BLTP1: variants seen among roughly 807,000 people sequenced by gnomAD.
The protein encoded by BLTP1 is bridge-like lipid transfer protein family member 1.
At chr4:122,332,851 A>G in the BLTP1 span, among the ~76,000 whole-genome samples, 1,489 of 116,040 alleles carry the variant, frequency 0.013, 21 homozygotes, top group African/African-American at 0.047. Flanking sequence ...TCATTGTTCA[A>G]TTCCCACCTA....
chr4:122,250,571 C>A, the BLTP1 span: 1 of 1,612,842 alleles, frequency 6.2e-7, no homozygotes, highest in South Asian at 1.1e-5. Context: ...TTCAGATGAA[C>A]AGGTTAGTGA....
the BLTP1 span, chr4:122,287,625 C>A: frequency 1.0e-6 from 1 of 984,784 alleles, no homozygotes; most frequent in Non-Finnish European, 1.2e-6. Flanking sequence ...TTTTGTTCTC[C>A]ATAACCTGAA....
chr4:122,347,147 C>CT, the BLTP1 span: 136 of 984,158 alleles, frequency 1.4e-4, no homozygotes, highest in Non-Finnish European at 1.6e-4. Flanking sequence ...ACAGAAGATG[C>CT]TGGGGACATG....
the BLTP1 span, chr4:122,182,618 A>G: frequency 2.1e-5 from 21 of 984,612 alleles, no homozygotes; most frequent in Non-Finnish European, 2.5e-5. Context: ...GGAGCCCTCC[A>G]TCTACCATTC....
the BLTP1 span, chr4:122,227,371 A>G: frequency 1.0e-6 from 1 of 985,396 alleles, no homozygotes; most frequent in African/African-American, 1.7e-5. Flanking sequence ...GTAATCCCTA[A>G]AACCATGTGC....
At chr4:122,284,165 A>T in the BLTP1 span, among the ~76,000 whole-genome samples, 1 of 152,182 alleles carries the variant, frequency 6.6e-6, no homozygotes, top group Non-Finnish European at 1.5e-5. Context: ...TTTTTTGTTA[A>T]TCTGATACTC....
chr4:122,231,615 AATTT>A, the BLTP1 span: 3 of 945,964 alleles, frequency 3.2e-6, no homozygotes, highest in Non-Finnish European at 3.8e-6. Flanking sequence ...GTCAGTTACT[AATTT>A]GAGAAAGCCA....
chr4:122,341,070 G>A, the BLTP1 span, among the ~76,000 whole-genome samples: 6 of 151,902 alleles, frequency 3.9e-5, no homozygotes, highest in Non-Finnish European at 8.8e-5. Flanking sequence ...TCCATTGTTT[G>A]GATCATATAC....
the BLTP1 span, among the ~76,000 whole-genome samples, chr4:122,216,232 G>A: frequency 1.3e-5 from 2 of 152,062 alleles, no homozygotes; most frequent in Non-Finnish European, 2.9e-5. Context: ...CTATGAACAT[G>A]TGTGTGCAAG....
At chr4:122,191,578 A>G in the BLTP1 span, among the ~76,000 whole-genome samples, 1 of 152,192 alleles carries the variant, frequency 6.6e-6, no homozygotes, top group Admixed American at 6.5e-5. Context: ...AAAGTGCAAG[A>G]TAGACCAGTA....
chr4:122,189,748 T>C, the BLTP1 span: 1 of 879,062 alleles, frequency 1.1e-6, no homozygotes, highest in Non-Finnish European at 1.4e-6. Flanking sequence ...TTTTTCTTCT[T>C]GAAGTAATTT....
At chr4:122,173,955 T>C in the BLTP1 span, among the ~76,000 whole-genome samples, 3 of 152,192 alleles carry the variant, frequency 2.0e-5, no homozygotes, top group African/African-American at 7.2e-5. Flanking sequence ...TTTAAAAATA[T>C]GTAAGTTAGA....
At chr4:122,274,317 A>C in the BLTP1 span, 2 of 1,197,996 alleles carry the variant, frequency 1.7e-6, no homozygotes, top group Non-Finnish European at 1.2e-6. Context: ...CCAGAATTCA[A>C]ATAAATATTT....
At chr4:122,337,262 TAAGTCAGTA>T in the BLTP1 span, 2 of 468,286 alleles carry the variant, frequency 4.3e-6, no homozygotes, top group Non-Finnish European at 7.5e-6. Context: ...CTGAATAGCG[TAAGTCAGTA>T]ATGCATTTAA....
the BLTP1 span, among the ~76,000 whole-genome samples, chr4:122,284,584 A>G: frequency 1.3e-5 from 2 of 151,726 alleles, no homozygotes; most frequent in Non-Finnish European, 2.9e-5. Flanking sequence ...TTATGTAAGT[A>G]TGTGTATACA....
At chr4:122,305,198 T>C in the BLTP1 span, 1 of 983,820 alleles carries the variant, frequency 1.0e-6, no homozygotes, top group Admixed American at 6.1e-5. Context: ...TGCACTCACA[T>C]AAAACTTAAT....
chr4:122,340,990 ATT>A, the BLTP1 span: 1,413 of 202,764 alleles, frequency 7.0e-3, 82 homozygotes, highest in Admixed American at 0.081. Context: ...ACTTTTTAAA[ATT>A]TAAAGTATCA....
At chr4:122,157,734 T>C in the BLTP1 span, among the ~76,000 whole-genome samples, 1 of 152,196 alleles carries the variant, frequency 6.6e-6, no homozygotes, top group South Asian at 2.1e-4. Flanking sequence ...GGCTCACTAG[T>C]TTAGCTGCTG....
chr4:122,247,142 CTT>C, the BLTP1 span: 6 of 1,594,064 alleles, frequency 3.8e-6, no homozygotes, highest in Non-Finnish European at 5.2e-6. Flanking sequence ...ATTTTACTCT[CTT>C]TTTTTTCATA....
Sources: gnomAD v4.1 joint callset for allele counts (sites outside exome capture counted in the v4.1 genomes callset) on GRCh38, gnomAD v4.1.1 for gene constraint, MANE v1.5 for transcripts, NCBI Gene and HGNC (gene_info 2026-07-23, HGNC 2026-07-21) for gene names.